Variants in PTPRT observed in about 807,000 individuals in gnomAD.
PTPRT encodes the protein receptor-type tyrosine-protein phosphatase T.
Under a neutral mutation model 176.8 loss-of-function variants are expected in PTPRT, and 56 were observed. The ratio of observed to expected loss-of-function variants is 0.32; its 90% CI spans 0.26 to 0.40. PTPRT has a LOEUF of 0.40. Among genes scored for constraint, PTPRT ranks in the 10% least tolerant of loss-of-function variants. PTPRT has a pLI of 1.00. For synonymous variants in PTPRT, 783 were observed against 739.0 expected (o/e 1.06, Z -0.96); for missense variants, 1,540 against 1,908.2 (o/e 0.81, Z 3.60).
At chr20:43,056,289 C>T (rs1038575572) in intron 1 of PTPRT, among the ~76,000 whole-genome samples, 2 of 152,196 alleles carry the variant, frequency 1.3e-5, no homozygotes, top group African/African-American at 4.8e-5. Context: ...TCTTCGCATC[C>T]TTCCACCCAC....
At chr20:42,773,862 A>G (rs1215222410) in intron 4 of PTPRT, among the ~76,000 whole-genome samples, 1 of 152,208 alleles carries the variant, frequency 6.6e-6, no homozygotes, top group African/African-American at 2.4e-5. Context: ...TTAGTTTTAC[A>G]AAGAAATGCT....
At chr20:42,257,544 C>T (rs1204846652) in intron 13 of PTPRT, among the ~76,000 whole-genome samples, 1 of 151,296 alleles carries the variant, frequency 6.6e-6, no homozygotes, top group East Asian at 2.0e-4. Context: ...TTGGATCCCT[C>T]ATGAACGGTT....
chr20:42,127,447 C>G (rs1476027879), intron 19 of PTPRT, among the ~76,000 whole-genome samples: 2 of 152,028 alleles, frequency 1.3e-5, no homozygotes, highest in African/African-American at 2.4e-5. Flanking sequence ...CAATGCAAGG[C>G]AGAACAGGGA....
At chr20:43,158,506 T>C (rs2014590231) in intron 1 of PTPRT, among the ~76,000 whole-genome samples, 1 of 152,196 alleles carries the variant, frequency 6.6e-6, no homozygotes, top group African/African-American at 2.4e-5. Flanking sequence ...ATCTGGCCTT[T>C]AGTCCAATTC....
In PTPRT at chr20:42,352,199, G is replaced by A. The variant is rs759106121; in HGVS notation, c.1647C>T (p.Thr549=). The A allele has an allele frequency of 1.9e-6, 3 of 1,614,042 alleles. No homozygotes were observed. Among genetic ancestry groups the A allele is most frequent in the African/African-American group, 1.3e-5 (1 of 74,916 alleles). ...GGTACAGACCCACAAAGAGGTGGTG[G>A]GTTTCATTCCGGAGCTTGAACACTT... ...RGKVFKLRNE[T]HHLFVGLYPG... is the part of the protein sequence containing the mutation. The change falls in exon 10 of 31, where the codon ACC becomes ACT. Residue 549 remains threonine (T), a synonymous_variant. Transcript: ENST00000373187.
chr20:42,874,018 A>G (rs2078889050), intron 2 of PTPRT, among the ~76,000 whole-genome samples: 1 of 152,232 alleles, frequency 6.6e-6, no homozygotes, highest in African/African-American at 2.4e-5. Context: ...GACAGATCAC[A>G]CATTTAAAAA....
At chr20:42,930,127 G>A (rs1159231245) in intron 1 of PTPRT, among the ~76,000 whole-genome samples, 2 of 152,236 alleles carry the variant, frequency 1.3e-5, no homozygotes, top group African/African-American at 4.8e-5. Context: ...GAAGAGGACA[G>A]GGAAAGGACT....
downstream of PTPRT, among the ~76,000 whole-genome samples, chr20:42,071,847 T>C (rs1340725041): frequency 6.6e-6 from 1 of 151,554 alleles, no homozygotes; most frequent in Non-Finnish European, 1.5e-5. Context: ...TTTGTGGAGA[T>C]AAGGTCTCAT....
At chr20:42,768,818 T>C (rs1018364874) in intron 5 of PTPRT, among the ~76,000 whole-genome samples, 4 of 152,238 alleles carry the variant, frequency 2.6e-5, no homozygotes, top group East Asian at 1.9e-4. Context: ...AAGAGCTCCA[T>C]GTCATGTGTT....
intron 1 of PTPRT, among the ~76,000 whole-genome samples, chr20:43,001,900 C>A (rs764373295): frequency 4.6e-5 from 7 of 151,862 alleles, no homozygotes; most frequent in Admixed American, 3.3e-4. Flanking sequence ...ACAAAAAAAA[C>A]CACCATTGAA....
At chr20:42,980,580 T>C (rs1351505802) in intron 1 of PTPRT, among the ~76,000 whole-genome samples, 2 of 152,220 alleles carry the variant, frequency 1.3e-5, no homozygotes, top group Non-Finnish European at 2.9e-5. Flanking sequence ...GGTGACAGAC[T>C]TCCCCCCACC....
At chr20:42,632,189 C>G (rs1018843713) in intron 7 of PTPRT, among the ~76,000 whole-genome samples, 2 of 152,054 alleles carry the variant, frequency 1.3e-5, no homozygotes, top group Non-Finnish European at 2.9e-5. Context: ...GCTGGCACAA[C>G]CCCAAGATCA....
rs539151809 is a variant in PTPRT at position 42,448,799 on chromosome 20, A to G, written c.1451-470T>C. 4.6e-5 allele frequency among the ~76,000 whole-genome samples: 7 copies of G among 152,220 alleles called. No individual in the cohort carries two copies. In the South Asian group the frequency reaches 1.4e-3, roughly 32 times the overall value. ...TGGCTTCCCTGGGCCACATTGGAAGAAGAATTATTATTGTAGGCCACACAT... is the reference window on the plus strand; with the variant it reads ...TGGCTTCCCTGGGCCACATTGGAAGGAGAATTATTATTGTAGGCCACACAT... On this transcript the variant is annotated intron_variant, in intron 8 of 30. Transcript: ENST00000373187.
intron 7 of PTPRT, among the ~76,000 whole-genome samples, chr20:42,545,461 C>G (rs572749213): frequency 2.6e-5 from 4 of 152,250 alleles, no homozygotes; most frequent in African/African-American, 9.6e-5. Context: ...AATGCACACC[C>G]ACTATGGCGA....
Position 42,877,092 on chromosome 20 carries a change from C to A in PTPRT, c.214+8715G>T, listed in dbSNP as rs562484998. On this transcript the variant is annotated intron_variant, in intron 2 of 30. Transcript: ENST00000373187. ...CTATCTTTTAAAAAATACGAAGTTTCTGGAATATTGAGAAGCTCATAATGA... is the reference window on the plus strand; with the variant it reads ...CTATCTTTTAAAAAATACGAAGTTTATGGAATATTGAGAAGCTCATAATGA... Among the ~76,000 whole-genome samples, 31 of 152,146 alleles carry A rather than the reference C, an allele frequency of 2.0e-4. 2 individuals carry two copies. In the South Asian group the frequency reaches 6.4e-3, roughly 32 times the overall value.
At position 42,472,630 on chromosome 20, in the gene PTPRT, G is replaced by A. The variant is rs1379264916; in HGVS notation, c.1154-68C>T. On this transcript the variant is annotated intron_variant, in intron 7 of 30. Transcript: ENST00000373187. Reference sequence around the variant, plus strand: ...ATCGGGAAGCTGGGGTACATGTTCTGCTACAACAGGGAACACAGCTTTTCC... The same window carrying A: ...ATCGGGAAGCTGGGGTACATGTTCTACTACAACAGGGAACACAGCTTTTCC... 2.7e-6 allele frequency: 4 copies of A among 1,500,682 alleles called. No individual in the cohort carries two copies. In the African/African-American group the frequency reaches 5.5e-5, roughly 21 times the overall value. The allele number at this position is 1,500,682 out of a possible 1,614,324, so 93.0% of individuals were successfully genotyped here. A position where few individuals can be genotyped will look rare whatever the true frequency, so the allele number is the denominator to read the frequency against.
chr20:42,454,661 G>A (rs1012175660), intron 8 of PTPRT, among the ~76,000 whole-genome samples: 3 of 151,976 alleles, frequency 2.0e-5, no homozygotes, highest in African/African-American at 7.3e-5. Context: ...CATTTTATTG[G>A]CTATATGTGC....
At chr20:42,363,733 C>T (rs989354203) in intron 9 of PTPRT, among the ~76,000 whole-genome samples, 10 of 152,234 alleles carry the variant, frequency 6.6e-5, no homozygotes, top group South Asian at 2.1e-4. Context: ...AGGCTACTAC[C>T]GTTACTATTC....
chr20:42,727,439 C>T (rs534450868), intron 6 of PTPRT, among the ~76,000 whole-genome samples: 3 of 152,222 alleles, frequency 2.0e-5, no homozygotes, highest in Admixed American at 6.5e-5. Flanking sequence ...GCCAGGTGTT[C>T]GATAAGGTTT....
Sources: gnomAD v4.1 joint callset for allele counts (sites outside exome capture counted in the v4.1 genomes callset) on GRCh38, gnomAD v4.1.1 for gene constraint, MANE v1.5 for transcripts, NCBI Gene and HGNC (gene_info 2026-07-23, HGNC 2026-07-21) for gene names.